FRMD4A: variants seen among roughly 807,000 people sequenced by gnomAD.
FRMD4A encodes FERM domain-containing protein 4A.
FRMD4A carries 29 observed loss-of-function variants against 129.1 expected under a neutral mutation model. The ratio of observed to expected loss-of-function variants is 0.22; its 90% CI spans 0.17 to 0.31. The LOEUF (loss-of-function observed/expected upper bound fraction) is 0.31. FRMD4A is among the 10% of genes least tolerant of loss of function. The pLI, the probability that FRMD4A is intolerant of heterozygous loss-of-function variation, is 1.00. For synonymous variants in FRMD4A, 634 were observed against 571.6 expected, an observed-to-expected ratio of 1.11 and a Z score of -1.56; for missense variants, 1,272 against 1,375.8, an observed-to-expected ratio of 0.92 and a Z score of 1.19.
At chr10:13,991,387 G>A (rs955265949) in intron 2 of FRMD4A, among the ~76,000 whole-genome samples, 6 of 152,168 alleles carry the variant, frequency 3.9e-5, no homozygotes, top group Non-Finnish European at 8.8e-5. Flanking sequence ...GGCATCAGGC[G>A]CGGAGATTCA....
chr10:14,017,188 C>T (rs7895524), intron 2 of FRMD4A, among the ~76,000 whole-genome samples: 2,573 of 152,256 alleles, frequency 0.017, 77 homozygotes, highest in African/African-American at 0.059. Flanking sequence ...TGAGGAATAA[C>T]GCTCCTGCAA....
intron 2 of FRMD4A, among the ~76,000 whole-genome samples, chr10:14,195,785 A>G (rs1280028370): frequency 6.6e-6 from 1 of 152,216 alleles, no homozygotes; most frequent in Non-Finnish European, 1.5e-5. Flanking sequence ...CCTTGGATCC[A>G]GTGTACTGTG....
At chr10:14,062,869 G>A (rs990773318) in intron 2 of FRMD4A, among the ~76,000 whole-genome samples, 2 of 152,230 alleles carry the variant, frequency 1.3e-5, no homozygotes, top group African/African-American at 4.8e-5. Flanking sequence ...GAAAGGGGAA[G>A]ATACATGGAT....
chr10:14,100,564 C>G lies in FRMD4A; in HGVS notation c.45+229494G>C, dbSNP rs144085572. 2.4e-3 allele frequency among the ~76,000 whole-genome samples: 367 copies of G among 152,226 alleles called. 2 individuals carry two copies. The highest frequency in any genetic ancestry group is 6.8e-3 in the African/African-American group (283 of 41,538). On this transcript the variant is annotated intron_variant, in intron 2 of 24. Transcript: ENST00000357447. ...ACGTCAACCTTTCCATATGCAGTTA[C>G]AGTCTAGGATCTGGGATATTTTATT...
intron 2 of FRMD4A, among the ~76,000 whole-genome samples, chr10:14,159,491 G>A (rs546297541): frequency 3.9e-5 from 6 of 152,092 alleles, no homozygotes; most frequent in African/African-American, 1.4e-4. Context: ...ACAAACAAAT[G>A]AACATATCCC....
chr10:13,865,381 G>C (rs1271108616), intron 2 of FRMD4A, among the ~76,000 whole-genome samples: 2 of 145,670 alleles, frequency 1.4e-5, no homozygotes, highest in African/African-American at 4.9e-5. Flanking sequence ...ATACTATCAG[G>C]CTTACTTTAT....
chr10:13,847,522 C>T (rs2094070200), intron 3 of FRMD4A, among the ~76,000 whole-genome samples: 3 of 148,912 alleles, frequency 2.0e-5, no homozygotes, highest in Non-Finnish European at 3.0e-5. Flanking sequence ...TTCCCTCCCT[C>T]CCTTCCTCCC....
chr10:13,740,459 A>G, intron 10 of FRMD4A, 53 bp downstream of exon 10: 2 of 1,041,558 alleles, frequency 1.9e-6, no homozygotes, highest in Non-Finnish European at 3.0e-6. Context: ...GACATACGAT[A>G]TATTAACACA....
intron 2 of FRMD4A, among the ~76,000 whole-genome samples, chr10:14,174,848 T>C (rs569386745): frequency 4.4e-4 from 67 of 150,754 alleles, no homozygotes; most frequent in African/African-American, 1.6e-3. Flanking sequence ...TCCTGAATAG[T>C]TGAGTATTAA....
At chr10:13,996,009 C>T (rs1239914984) in intron 2 of FRMD4A, among the ~76,000 whole-genome samples, 3 of 152,100 alleles carry the variant, frequency 2.0e-5, no homozygotes, top group Non-Finnish European at 4.4e-5. Flanking sequence ...AAGTTTATTG[C>T]TCATAGTTCT....
intron 4 of FRMD4A, among the ~76,000 whole-genome samples, chr10:13,808,815 C>G (rs1001088572): frequency 1.3e-5 from 2 of 152,218 alleles, no homozygotes; most frequent in South Asian, 2.1e-4. Context: ...GACCCTCCCA[C>G]CTAGACTCTG....
intron 2 of FRMD4A, among the ~76,000 whole-genome samples, chr10:14,258,720 G>T (rs528527904): frequency 6.6e-6 from 1 of 152,112 alleles, no homozygotes; most frequent in Non-Finnish European, 1.5e-5. Context: ...GAGCAGAAAC[G>T]TTCATAGTTG....
intron 24 of FRMD4A, chr10:13,647,356 G>A (rs1321039173): frequency 6.6e-6 from 1 of 152,220 alleles, no homozygotes; most frequent in East Asian, 1.9e-4. Flanking sequence ...ACTCATGCCT[G>A]GGCCCAATTG....
intron 2 of FRMD4A, among the ~76,000 whole-genome samples, chr10:14,078,485 G>T (rs1200799928): frequency 6.6e-6 from 1 of 152,226 alleles, no homozygotes; most frequent in African/African-American, 2.4e-5. Flanking sequence ...CCGCCCTCCA[G>T]AAGACACAGG....
Position 14,273,871 on chromosome 10 carries a change from G to A in FRMD4A, c.45+56187C>T, listed in dbSNP as rs1845248998. ...TTAGTCAATCAACAAACACTTTTGA[G>A]CACTTACTAGTGCAGGGCACTGTGC... On this transcript the variant is annotated intron_variant, in intron 2 of 24. Transcript: ENST00000357447. Among the ~76,000 whole-genome samples the A allele has an allele frequency of 2.0e-5, 3 of 152,146 alleles. No individual in the cohort carries two copies. In the South Asian group the frequency reaches 6.2e-4, roughly 32 times the overall value.
At chr10:14,276,649 T>C (rs561803383) in intron 2 of FRMD4A, among the ~76,000 whole-genome samples, 1 of 152,114 alleles carries the variant, frequency 6.6e-6, no homozygotes, top group Non-Finnish European at 1.5e-5. Flanking sequence ...AGCCCCTACA[T>C]GGGGCCCCAC....
intron 2 of FRMD4A, among the ~76,000 whole-genome samples, chr10:14,189,368 G>C (rs574443069): frequency 6.6e-6 from 1 of 152,316 alleles, no homozygotes; most frequent in South Asian, 2.1e-4. Flanking sequence ...GAGGTCAGGA[G>C]TTCAAGACCA....
intron 2 of FRMD4A, among the ~76,000 whole-genome samples, chr10:14,005,802 G>A (rs1030065557): frequency 1.3e-5 from 2 of 152,132 alleles, no homozygotes; most frequent in South Asian, 2.1e-4. Flanking sequence ...AACTCTCCAC[G>A]CCTTGGTTTC....
chr10:13,692,584 C>G (rs2085812490), intron 15 of FRMD4A: 1 of 152,304 alleles, frequency 6.6e-6, no homozygotes, highest in South Asian at 2.1e-4. Flanking sequence ...ACTTAACGCT[C>G]CACTCACCAG....
Sources: gnomAD v4.1 joint callset for allele counts (sites outside exome capture counted in the v4.1 genomes callset) on GRCh38, gnomAD v4.1.1 for gene constraint, MANE v1.5 for transcripts, NCBI Gene and HGNC (gene_info 2026-07-23, HGNC 2026-07-21) for gene names.